Variants in SPTB observed in about 807,000 individuals in gnomAD.
SPTB encodes the protein spectrin beta, erythrocytic, also known as spectrin beta chain, erythrocytic.
SPTB carries 45 observed loss-of-function variants against 256.2 expected under a neutral mutation model. The ratio of observed to expected loss-of-function variants is 0.18; its 90% CI spans 0.14 to 0.23. The LOEUF is 0.23. Ranked by LOEUF, SPTB falls within the 10% of genes least tolerant of loss-of-function variation. SPTB has a pLI of 1.00. For missense variants in SPTB, 2,715 were observed against 3,040.4 expected, an observed-to-expected ratio of 0.89 and a Z score of 2.52; for synonymous variants, 1,231 against 1,243.1, an observed-to-expected ratio of 0.99 and a Z score of 0.21.
intron 2 of SPTB, among the ~76,000 whole-genome samples, chr14:64,815,409 T>C (rs1170974103): frequency 6.6e-6 from 1 of 152,230 alleles, no homozygotes; most frequent in East Asian, 1.9e-4. Context: ...AGTCCTGTCT[T>C]GGCCACTTCC....
Position 64,796,744 on chromosome 14 carries a change from G to A in SPTB, c.1183-29C>T. 1 of 1,613,848 alleles carries A rather than the reference G, an allele frequency of 6.2e-7. No individual in the cohort carries two copies. Among genetic ancestry groups the A allele is most frequent in the Non-Finnish European group, 8.5e-7 (1 of 1,180,002 alleles). On this transcript the variant is annotated intron_variant, in intron 10 of 35. Coordinates refer to ENST00000644917, the MANE Select transcript of SPTB (RefSeq NM_001355436.2). The surrounding 1 kb of genome is among the most constrained non-coding windows in gnomAD (Gnocchi z 4.1). ...CACAAAGGATGGAATGAGAATTCTT[G>A]GGGCACAGGAGAAATGCCTCACTTT...
chr14:64,766,674 G>A (rs371741651), intron 32 of SPTB, 52 bp downstream of exon 32: 15 of 1,613,282 alleles, frequency 9.3e-6, no homozygotes, highest in Admixed American at 1.7e-5. Flanking sequence ...GGGTGAGAGG[G>A]CTCTGGCTGC....
chr14:64,851,243 G>A (rs2083780289), intron 1 of SPTB, among the ~76,000 whole-genome samples: 1 of 152,258 alleles, frequency 6.6e-6, no homozygotes, highest in Admixed American at 6.5e-5. Flanking sequence ...CAGATTTCCT[G>A]TGTCATGGGT....
chr14:64,812,527 C>A (rs2083108838), intron 2 of SPTB, among the ~76,000 whole-genome samples: 1 of 152,130 alleles, frequency 6.6e-6, no homozygotes, highest in Admixed American at 6.5e-5. Flanking sequence ...TCTGAATACT[C>A]CCTATGGGGG....
chr14:64,860,673 C>T (rs887570433), intron 1 of SPTB, among the ~76,000 whole-genome samples: 8 of 152,168 alleles, frequency 5.3e-5, no homozygotes, highest in Admixed American at 2.0e-4. Flanking sequence ...TCAACAAACA[C>T]ATCCTCAGTG....
rs182373402 is a variant in SPTB at position 64,799,967 on chromosome 14, G to C, written c.877-33C>G. 3.1e-5 allele frequency: 50 copies of C among 1,610,580 alleles called. No individual in the cohort carries two copies. The African/African-American group carries it at 5.6e-4, about 18-fold the overall frequency. On this transcript the variant is annotated intron_variant, in intron 8 of 35. Transcript: ENST00000644917. The stretch of plus-strand genomic sequence containing the variant: ...ATCATCTTCTTACTTATTCTCATCA[G>C]AAGGGCAATGCCACCACTGAGGATA...
intron 15 of SPTB, among the ~76,000 whole-genome samples, chr14:64,791,114 T>G (rs971598662): frequency 1.3e-5 from 2 of 152,176 alleles, no homozygotes; most frequent in Non-Finnish European, 2.9e-5. Flanking sequence ...ACACTTGGGA[T>G]GTGCCCTCCA....
Position 64,833,420 on chromosome 14 carries a change from G to A in SPTB, c.-51-10275C>T, listed in dbSNP as rs188154108. On this transcript the variant is annotated intron_variant, in intron 1 of 35. Transcript: ENST00000644917. ...ACAAAAATTAGCTGGGCATGGTGGC[G>A]CACACCTGTAGTCCCAGCTACTCAG... Among the ~76,000 whole-genome samples the A allele has an allele frequency of 9.9e-5, 15 of 152,072 alleles. No homozygotes were observed. The East Asian group carries it at 2.3e-3, about 24-fold the overall frequency.
At chr14:64,811,381 A>T (rs1257141684) in intron 2 of SPTB, among the ~76,000 whole-genome samples, 1 of 152,238 alleles carries the variant, frequency 6.6e-6, no homozygotes, top group Non-Finnish European at 1.5e-5. Flanking sequence ...ATGCAAACAC[A>T]CAATCTAATA....
At position 64,774,446 on chromosome 14, in the gene SPTB, G is replaced by C. The variant is rs1459384589; in HGVS notation, c.4924C>G (p.Gln1642Glu). 1 of 1,571,676 alleles carries C rather than the reference G, an allele frequency of 6.4e-7. No individual in the cohort carries two copies. The part of the protein sequence containing the change: ...AVEDYGRNIK[Q>E]LASRAQGLLS... ...AGGCCCTGGGCCCGGCTGGCCAGCT[G>C]CTTGATGTTCCGGCCGTAGTCCTCC... The change falls in exon 24 of 36, where the codon CAG becomes GAG. Residue 1642 changes from glutamine to glutamate, a missense_variant. By Grantham distance (29) the Gln-to-Glu change is conservative. Coordinates refer to ENST00000644917, the MANE Select transcript of SPTB (RefSeq NM_001355436.2).
chr14:64,853,112 A>C lies in SPTB; in HGVS notation c.-52+26680T>G, dbSNP rs2083812890. On this transcript the variant is annotated intron_variant, in intron 1 of 35. Transcript: ENST00000644917. This position sits in a 1 kb window ranked among gnomAD's most constrained non-coding sequence, Gnocchi z 4.3. ...ATAAGAGACAGGCAAAGAATGGGGAAAGAGCATGTGCAAAGCCAACAGTAA... is the reference window on the plus strand; with the variant it reads ...ATAAGAGACAGGCAAAGAATGGGGACAGAGCATGTGCAAAGCCAACAGTAA... 6.6e-6 allele frequency among the ~76,000 whole-genome samples: 1 copy of C among 152,196 alleles called. No homozygotes were observed. The highest frequency in any genetic ancestry group is 6.5e-5 in the Admixed American group (1 of 15,284).
At chr14:64,781,154 A>T (rs927039556) in intron 20 of SPTB, among the ~76,000 whole-genome samples, 1 of 152,252 alleles carries the variant, frequency 6.6e-6, no homozygotes, top group African/African-American at 2.4e-5. Context: ...CATCCTGGAC[A>T]TAGGAATGGG....
At chr14:64,804,880 T>C (rs1369403639) in intron 3 of SPTB, 59 bp downstream of exon 3, 11 of 1,609,188 alleles carry the variant, frequency 6.8e-6, no homozygotes, top group East Asian at 2.2e-5. Context: ...CCCCAAACCA[T>C]GCCTTTGCTG....
rs755253425 is a variant in SPTB at position 64,786,623 on chromosome 14, T to C, written c.3342A>G (p.Gln1114=). 1.9e-6 allele frequency: 3 copies of C among 1,614,188 alleles called. No homozygotes were observed. The highest frequency in any genetic ancestry group is 1.7e-5 in the Admixed American group (1 of 60,022). ...ACTCCTTAACACGCTGGTAGCTGTC[T>C]TGGTGCCCGTCAATCTCATCCTTGA... ...AGIKDEIDGH[Q]DSYQRVKESG... Residue 1114 remains glutamine, a synonymous_variant, in exon 16 of 36, where the codon CAA becomes CAG. Coordinates refer to ENST00000644917, the MANE Select transcript of SPTB (RefSeq NM_001355436.2). The surrounding 1 kb of genome is among the most constrained non-coding windows in gnomAD (Gnocchi z 5.6).
In SPTB at chr14:64,779,145, C is replaced by T. The variant is rs1741489; in HGVS notation, c.4563+12G>A. On this transcript the variant is annotated intron_variant, in intron 22 of 35. Coordinates refer to ENST00000644917, the MANE Select transcript of SPTB (RefSeq NM_001355436.2). The surrounding 1 kb of genome is among the most constrained non-coding windows in gnomAD (Gnocchi z 4.2). ...GGGGTGGGTGGGGCTGGTGAGGTGACGCAGGACTCACCTGGTTCTTCTTCA... is the reference window on the plus strand; with the variant it reads ...GGGGTGGGTGGGGCTGGTGAGGTGATGCAGGACTCACCTGGTTCTTCTTCA... 4.2e-5 allele frequency: 67 copies of T among 1,610,480 alleles called. No individual in the cohort carries two copies. Among genetic ancestry groups the T allele is most frequent in the African/African-American group, 2.0e-4 (15 of 74,644 alleles).
rs78719707 is a variant in SPTB, at chr14:64,864,609, A to T, written c.-52+15183T>A. Among the ~76,000 whole-genome samples the T allele has an allele frequency of 5.1e-4, 77 of 152,300 alleles. 2 individuals carry two copies. The East Asian group carries it at 0.015, about 29-fold the overall frequency. ...CATATATATACCTACACAAACACAT[A>T]TCTGTATCTATGTGTATATGTCTAC... On this transcript the variant is annotated intron_variant, in intron 1 of 35. Coordinates refer to ENST00000644917, the MANE Select transcript of SPTB (RefSeq NM_001355436.2).
chr14:64,849,529 C>A, intron 1 of SPTB, among the ~76,000 whole-genome samples: 1 of 152,218 alleles, frequency 6.6e-6, no homozygotes. Context: ...TTCATCCTAA[C>A]TCAACTCAGA....
chr14:64,795,757 G>A lies in SPTB; in HGVS notation c.1342-118C>T. 1 of 1,068,042 alleles carries A rather than the reference G, an allele frequency of 9.4e-7. No individual in the cohort carries two copies. Among genetic ancestry groups the A allele is most frequent in the Non-Finnish European group, 1.4e-6 (1 of 714,344 alleles). The allele number at this position is 1,068,042 out of a possible 1,614,324, so 66.2% of individuals were successfully genotyped here. A position where few individuals can be genotyped will look rare whatever the true frequency, so the allele number is the denominator to read the frequency against. On this transcript the variant is annotated intron_variant, in intron 11 of 35. Coordinates refer to ENST00000644917, the MANE Select transcript of SPTB (RefSeq NM_001355436.2). This position sits in a 1 kb window ranked among gnomAD's most constrained non-coding sequence, Gnocchi z 6.5. ...GCTAGATGGGAAAGCACATTCCCAA[G>A]AAGCAGCTAGTTCTGCCTTACTTTT... is the stretch of plus-strand genomic sequence containing the variant.
At chr14:64,787,955 C>T (rs919065357) in intron 15 of SPTB, among the ~76,000 whole-genome samples, 8 of 152,206 alleles carry the variant, frequency 5.3e-5, no homozygotes, top group Non-Finnish European at 8.8e-5. Context: ...ATTCTCTAAT[C>T]GAACCCATCT....
Sources: gnomAD v4.1 joint callset for allele counts (sites outside exome capture counted in the v4.1 genomes callset) on GRCh38, gnomAD v4.1.1 for gene constraint, Gnocchi (gnomAD v3.1) non-coding constraint, MANE v1.5 for transcripts, NCBI Gene and HGNC (gene_info 2026-07-23, HGNC 2026-07-21) for gene names.